Variants in AP3S2 observed in about 807,000 individuals in gnomAD.
AP3S2 encodes the protein adaptor related protein complex 3 subunit sigma 2.
In AP3S2, 22 loss-of-function variants were observed where a neutral mutation model predicts 23.4. The ratio of observed to expected loss-of-function variants is 0.94; its 90% CI spans 0.67 to 1.34. AP3S2 has a LOEUF of 1.34. Among genes scored for constraint, AP3S2 ranks in the 40% most tolerant of loss-of-function variants. The pLI is 0.00. For synonymous variants in AP3S2, 86 were observed against 87.1 expected (o/e 0.99, Z 0.07); for missense variants, 241 against 236.9 (o/e 1.02, Z -0.11).
At chr15:89,868,083 G>T (rs1896192101) in intron 4 of AP3S2, among the ~76,000 whole-genome samples, 1 of 123,138 alleles carries the variant, frequency 8.1e-6, no homozygotes, top group Non-Finnish European at 1.8e-5. Context: ...GAGCCCCTCA[G>T]CCTGGCCAGC....
chr15:89,859,182 T>C lies in AP3S2; in HGVS notation c.345+12293A>G, dbSNP rs72756555. On this transcript the variant is annotated intron_variant, in intron 4 of 5. Coordinates refer to ENST00000336418, the MANE Select transcript of AP3S2 (RefSeq NM_005829.5). ...CCCAAGTGTCCTTCCTTCCTTCCTT[T>C]CTTCCTTCCTTCCCTCTCTCCTTGC... Among the ~76,000 whole-genome samples, 18 of 61,836 alleles carry C rather than the reference T, an allele frequency of 2.9e-4. No homozygotes were observed. The East Asian group carries it at 8.6e-3, about 30-fold the overall frequency. The allele number at this position is 61,836 out of a possible 152,430, so 40.6% of individuals were successfully genotyped here.
chr15:89,873,437 A>T (rs1321278866), intron 3 of AP3S2, among the ~76,000 whole-genome samples: 1 of 152,032 alleles, frequency 6.6e-6, no homozygotes, highest in African/African-American at 2.4e-5. Context: ...GGCATGCACC[A>T]CCACGCCTGG....
intron 4 of AP3S2, among the ~76,000 whole-genome samples, chr15:89,844,269 T>TTCTTTC (rs1307399243): frequency 6.7e-3 from 81 of 12,090 alleles, no homozygotes; most frequent in African/African-American, 0.022. Context: ...CTTTCTTTCT[T>TTCTTTC]TCTCTCTCTC....
chr15:89,846,323 A>C lies in AP3S2; in HGVS notation c.346-8601T>G, dbSNP rs924024575. ...ATCTAACCTGTTATCGAGTCTCTCCACTCTCCCCCAACACCTCTGGACATC... is the reference window on the plus strand; with the variant it reads ...ATCTAACCTGTTATCGAGTCTCTCCCCTCTCCCCCAACACCTCTGGACATC... On this transcript the variant is annotated intron_variant, in intron 4 of 5. Transcript: ENST00000336418. 1.8e-4 allele frequency among the ~76,000 whole-genome samples: 27 copies of C among 150,146 alleles called. 1 individual carries two copies. Among genetic ancestry groups the C allele is most frequent in the Admixed American group, 8.0e-4 (12 of 15,094 alleles).
chr15:89,861,390 T>C (rs900230914), intron 4 of AP3S2, among the ~76,000 whole-genome samples: 1 of 152,190 alleles, frequency 6.6e-6, no homozygotes, highest in Non-Finnish European at 1.5e-5. Context: ...GAAAGCCCAA[T>C]TGAATTCTAA....
At chr15:89,839,694 G>A (rs1217652868) in intron 4 of AP3S2, among the ~76,000 whole-genome samples, 1 of 152,172 alleles carries the variant, frequency 6.6e-6, no homozygotes. Flanking sequence ...GTAAAGACTT[G>A]AAGAGAATGT....
At chr15:89,854,381 CGGGA>C (rs1895753741) in intron 4 of AP3S2, among the ~76,000 whole-genome samples, 2 of 52,330 alleles carry the variant, frequency 3.8e-5, no homozygotes, top group Non-Finnish European at 4.1e-5. Context: ...CCGCCCCGTC[CGGGA>C]GGGAGGTGGG....
chr15:89,885,217 TAG>T (rs1253795257), intron 3 of AP3S2, among the ~76,000 whole-genome samples: 1 of 151,766 alleles, frequency 6.6e-6, no homozygotes, highest in Non-Finnish European at 1.5e-5. Flanking sequence ...TTTTTTGAGA[TAG>T]AGTCTCGCTC....
chr15:89,889,820 C>T (rs576218488), intron 1 of AP3S2, among the ~76,000 whole-genome samples: 10 of 138,742 alleles, frequency 7.2e-5, no homozygotes, highest in South Asian at 2.3e-4. Context: ...GCCGAGATCA[C>T]GCCACTGCAC....
At chr15:89,883,714 G>A (rs1311499879) in intron 3 of AP3S2, among the ~76,000 whole-genome samples, 1 of 152,100 alleles carries the variant, frequency 6.6e-6, no homozygotes, top group African/African-American at 2.4e-5. Flanking sequence ...AATGCCTACA[G>A]ATTTCACCCT....
intron 4 of AP3S2, among the ~76,000 whole-genome samples, chr15:89,856,346 C>A (rs1042146287): frequency 1.3e-5 from 2 of 151,776 alleles, no homozygotes; most frequent in African/African-American, 4.8e-5. Flanking sequence ...ATGGATCACT[C>A]GAGGTCAGGA....
intron 3 of AP3S2, chr15:89,878,221 G>C (rs775791662): frequency 5.7e-6 from 3 of 528,734 alleles, no homozygotes; most frequent in Non-Finnish European, 6.7e-6. Context: ...TTCTCCAAAG[G>C]AAAAAAAAAA....
At chr15:89,859,986 G>A (rs970779977) in intron 4 of AP3S2, among the ~76,000 whole-genome samples, 4 of 151,838 alleles carry the variant, frequency 2.6e-5, no homozygotes, top group African/African-American at 4.8e-5. Flanking sequence ...GGTTGGTCTC[G>A]ATCTCCTGAC....
At chr15:89,888,688 G>C in intron 2 of AP3S2, 56 bp from the exon 3 acceptor site, 2 of 1,537,566 alleles carry the variant, frequency 1.3e-6, no homozygotes, top group Non-Finnish European at 1.8e-6. Flanking sequence ...ACATCAAAAA[G>C]AAACCTTGTG....
Position 89,830,739 on chromosome 15 carries a change from A to C in AP3S2, c.*4776T>G, listed in dbSNP as rs1345725323. 2 of 152,536 alleles carry C rather than the reference A, an allele frequency of 1.3e-5. No individual in the cohort carries two copies. The highest frequency in any genetic ancestry group is 1.3e-4 in the Admixed American group (2 of 15,282). 9.4% of individuals were successfully genotyped at this position (152,536 alleles called of 1,614,324 possible). On this transcript the variant is annotated 3_prime_UTR_variant, in exon 6 of 6. Transcript: ENST00000336418. ...CAGGGTAAACAGCCAGTAACTTCAG[A>C]AACCAAACATCCAGTACGTCAGAGT...
intron 4 of AP3S2, among the ~76,000 whole-genome samples, chr15:89,868,574 C>G (rs1266766728): frequency 1.6e-5 from 2 of 124,328 alleles, no homozygotes; most frequent in African/African-American, 6.2e-5. Flanking sequence ...GTGGGGGGGT[C>G]AGCCCTCCAC....
At chr15:89,889,014 G>GAT (rs745507283) in intron 2 of AP3S2, 35 bp downstream of exon 2, 1 of 1,612,810 alleles carries the variant, frequency 6.2e-7, no homozygotes, top group Non-Finnish European at 8.5e-7. Flanking sequence ...CTCACAAGTG[G>GAT]ATATATGGGG....
At chr15:89,879,702 T>G (rs1249685288) in intron 3 of AP3S2, among the ~76,000 whole-genome samples, 2 of 151,884 alleles carry the variant, frequency 1.3e-5, no homozygotes, top group Non-Finnish European at 2.9e-5. Flanking sequence ...ACCTCCTGGG[T>G]TCAAGTGATT....
Position 89,893,983 on chromosome 15 carries a change from C to G in AP3S2, c.-34G>C, listed in dbSNP as rs773364117. Reference sequence around the variant, plus strand: ...GCCACGGTTCTCTCAGCACCGGCTACTCCCAGAAAGCTCCTCCTTCCGCCA... The same window carrying G: ...GCCACGGTTCTCTCAGCACCGGCTAGTCCCAGAAAGCTCCTCCTTCCGCCA... On this transcript the variant is annotated 5_prime_UTR_variant, in exon 1 of 6. Coordinates refer to ENST00000336418, the MANE Select transcript of AP3S2 (RefSeq NM_005829.5). 6.5e-7 allele frequency: 1 copy of G among 1,546,968 alleles called. No individual in the cohort carries two copies. Among genetic ancestry groups the G allele is most frequent in the African/African-American group, 1.4e-5 (1 of 73,140 alleles).
Sources: allele counts gnomAD v4.1 joint callset (sites outside exome capture counted in the v4.1 genomes callset), GRCh38; gene constraint gnomAD v4.1.1; transcripts MANE v1.5; gene names NCBI Gene and HGNC (gene_info 2026-07-23, HGNC 2026-07-21).